Variants in MYO18B observed in about 807,000 individuals in gnomAD.
MYO18B encodes the protein unconventional myosin-XVIIIb.
MYO18B carries 204 observed loss-of-function variants against 273.0 expected under a neutral mutation model. The ratio of observed to expected loss-of-function variants is 0.75; its 90% CI spans 0.67 to 0.84. The LOEUF is 0.84. Ranked by LOEUF, MYO18B falls within the 40% of genes least tolerant of loss-of-function variation. The pLI is 0.00. For synonymous variants in MYO18B, 1,330 were observed against 1,305.7 expected (o/e 1.02, Z -0.40); for missense variants, 3,212 against 3,287.6 (o/e 0.98, Z 0.56).
chr22:26,035,672 T>C (rs1936764326), downstream of MYO18B, among the ~76,000 whole-genome samples: 1 of 152,194 alleles, frequency 6.6e-6, no homozygotes, highest in African/African-American at 2.4e-5. Context: ...AGACAACAAA[T>C]GTTGCTCCAG....
intron 39 of MYO18B, among the ~76,000 whole-genome samples, chr22:25,974,898 G>A (rs563066668): frequency 1.3e-5 from 2 of 152,320 alleles, no homozygotes; most frequent in Non-Finnish European, 2.9e-5. Flanking sequence ...GGAATGCGGG[G>A]GAAGAAGGAG....
intron 39 of MYO18B, among the ~76,000 whole-genome samples, chr22:25,957,100 T>C (rs1464846830): frequency 6.6e-6 from 1 of 152,184 alleles, no homozygotes; most frequent in Non-Finnish European, 1.5e-5. Context: ...ACCAGCCCCA[T>C]TTCTCATGCA....
At chr22:26,034,734 A>C (rs975794087), downstream of MYO18B, among the ~76,000 whole-genome samples, 1 of 152,222 alleles carries the variant, frequency 6.6e-6, no homozygotes, top group South Asian at 2.1e-4. Context: ...CAGGGCGCCC[A>C]TGTCTTGAAA....
At chr22:25,750,937 TG>T (rs2085914653) in intron 1 of MYO18B, among the ~76,000 whole-genome samples, 1 of 152,204 alleles carries the variant, frequency 6.6e-6, no homozygotes, top group Non-Finnish European at 1.5e-5. Context: ...CAGTCCATGC[TG>T]GGAGGCCAGT....
intron 25 of MYO18B, chr22:25,884,874 C>G (rs1220255769): frequency 6.6e-6 from 1 of 152,178 alleles, no homozygotes; most frequent in Non-Finnish European, 1.5e-5. Context: ...ATTACTTCAT[C>G]TTGATAAGCC....
intron 12 of MYO18B, among the ~76,000 whole-genome samples, chr22:25,810,945 T>C (rs1322345262): frequency 1.3e-5 from 2 of 152,218 alleles, no homozygotes; most frequent in African/African-American, 4.8e-5. Context: ...TAATGTCATA[T>C]ATCCGTTGTT....
intron 1 of MYO18B, among the ~76,000 whole-genome samples, chr22:25,759,400 A>G (rs1376619641): frequency 6.6e-6 from 1 of 152,158 alleles, no homozygotes; most frequent in Non-Finnish European, 1.5e-5. Context: ...GGAAACCATC[A>G]TTCTCAGTAA....
chr22:25,922,149 G>C (rs2092357250), intron 34 of MYO18B, among the ~76,000 whole-genome samples: 1 of 152,086 alleles, frequency 6.6e-6, no homozygotes, highest in Non-Finnish European at 1.5e-5. Flanking sequence ...TGATCGGGTG[G>C]CAGAAAGGTA....
chr22:25,761,051 C>G lies in MYO18B; in HGVS notation c.-42C>G. On this transcript the variant is annotated 5_prime_UTR_variant, in exon 2 of 44. Coordinates refer to ENST00000335473, the MANE Select transcript of MYO18B (RefSeq NM_032608.7). ...ATTCCGTGCTGTCTGGCAGGAAGCT[C>G]CATCTCATCTCATCATCTCACGGCC... The G allele has an allele frequency of 1.2e-6, 2 of 1,610,994 alleles. No homozygotes were observed. The highest frequency in any genetic ancestry group is 2.2e-5 in the South Asian group (2 of 91,044).
intron 11 of MYO18B, 86 bp downstream of exon 11, chr22:25,785,577 C>T: frequency 7.2e-7 from 1 of 1,388,564 alleles, no homozygotes; most frequent in Non-Finnish European, 1.0e-6. Flanking sequence ...CAACTTGTCT[C>T]TTTTGGTACT....
the MYO18B span, among the ~76,000 whole-genome samples, chr22:26,060,995 A>G: frequency 1.0e-5 from 1 of 97,816 alleles, no homozygotes; most frequent in East Asian, 2.4e-4. Flanking sequence ...CATACCACAT[A>G]TGCACACACA....
At chr22:25,817,216 CT>C (rs1181350896) in intron 12 of MYO18B, among the ~76,000 whole-genome samples, 1 of 151,892 alleles carries the variant, frequency 6.6e-6, no homozygotes, top group Non-Finnish European at 1.5e-5. Context: ...TTCTTTCTTT[CT>C]TTCTTTCGTT....
rs186229976 is a variant in MYO18B at position 26,025,504 on chromosome 22, C to T, written c.6471-941C>T. On this transcript the variant is annotated intron_variant, in intron 42 of 43. Transcript: ENST00000335473. ...CAGGGACCCCATGATTGGAAACCCG[C>T]GTGTGCATCGCCCTCAGCATCTCTT... 4.4e-3 allele frequency among the ~76,000 whole-genome samples: 674 copies of T among 152,322 alleles called. 4 individuals carry two copies. The highest frequency in any genetic ancestry group is 0.015 in the African/African-American group (620 of 41,558).
At chr22:25,788,504 G>A (rs149129087) in intron 11 of MYO18B, among the ~76,000 whole-genome samples, 1 of 152,338 alleles carries the variant, frequency 6.6e-6, no homozygotes, top group East Asian at 1.9e-4. Flanking sequence ...GCTGCCTGGA[G>A]GAGTGGACCA....
intron 42 of MYO18B, among the ~76,000 whole-genome samples, chr22:26,006,684 TG>T (rs559709308): frequency 9.5e-4 from 145 of 152,324 alleles, no homozygotes; most frequent in African/African-American, 3.2e-3. Flanking sequence ...TATCTGCAGC[TG>T]TGAGATTTTG....
intron 39 of MYO18B, among the ~76,000 whole-genome samples, chr22:25,973,214 C>T (rs985681020): frequency 1.3e-5 from 2 of 152,150 alleles, no homozygotes; most frequent in Admixed American, 1.3e-4. Flanking sequence ...CGAGTGAACC[C>T]ATGAAACATT....
chr22:25,836,433 T>G (rs1255199987), intron 17 of MYO18B, among the ~76,000 whole-genome samples: 1 of 152,134 alleles, frequency 6.6e-6, no homozygotes, highest in Non-Finnish European at 1.5e-5. Flanking sequence ...AGAACATGAT[T>G]CTGGGGTTGG....
rs529377575 is a variant in MYO18B, at chr22:25,912,035, A to G, written c.5364+985A>G. ...TTAATTAGTAATGGTCTTGTTATCA[A>G]TATCCTTCCCTAAATTCATTAACTT... On this transcript the variant is annotated intron_variant, in intron 33 of 43. Coordinates refer to ENST00000335473, the MANE Select transcript of MYO18B (RefSeq NM_032608.7). 4.6e-5 allele frequency among the ~76,000 whole-genome samples: 7 copies of G among 152,348 alleles called. No individual in the cohort carries two copies. In the East Asian group the frequency reaches 1.3e-3, roughly 29 times the overall value.
At chr22:25,767,602 G>A (rs2086552811) in intron 3 of MYO18B, among the ~76,000 whole-genome samples, 1 of 152,180 alleles carries the variant, frequency 6.6e-6, no homozygotes, top group Non-Finnish European at 1.5e-5. Flanking sequence ...GGTGAGAACA[G>A]GTCCTCTAGT....
Sources: allele counts gnomAD v4.1 joint callset (sites outside exome capture counted in the v4.1 genomes callset), GRCh38; gene constraint gnomAD v4.1.1; transcripts MANE v1.5; gene names NCBI Gene and HGNC (gene_info 2026-07-23, HGNC 2026-07-21).